Variants in PARP11 observed in about 807,000 individuals in gnomAD.
PARP11 encodes the protein protein mono-ADP-ribosyltransferase PARP11.
PARP11 carries 31 observed loss-of-function variants against 42.9 expected under a neutral mutation model. The observed-to-expected ratio is 0.72, with a 90% CI of 0.54 to 0.98. The LOEUF (loss-of-function observed/expected upper bound fraction) is 0.98. PARP11 is among the 50% of genes least tolerant of loss of function. PARP11 has a pLI of 0.00. For missense variants in PARP11, 365 were observed against 413.1 expected, an observed-to-expected ratio of 0.88 and a Z score of 1.01; for synonymous variants, 137 against 127.3, an observed-to-expected ratio of 1.08 and a Z score of -0.51.
chr12:3,873,261 T>C lies in PARP11; in HGVS notation c.-32A>G. 7.8e-6 allele frequency: 12 copies of C among 1,546,040 alleles called. No homozygotes were observed. The highest frequency in any genetic ancestry group is 1.0e-5 in the Non-Finnish European group (12 of 1,144,348). On this transcript the variant is annotated 5_prime_UTR_variant, in exon 1 of 8. Coordinates refer to ENST00000228820, the MANE Select transcript of PARP11 (RefSeq NM_020367.6). ...GACAAAATCGAGCGGAGAGAGCCTG[T>C]GGGAAGGGGCTAGCCGCGGGGCCTG...
At chr12:3,842,323 A>C (rs2138075200) in intron 1 of PARP11, 1 of 1,607,318 alleles carries the variant, frequency 6.2e-7, no homozygotes, top group Middle Eastern at 1.7e-4. Flanking sequence ...TGGGAGCAGG[A>C]AGTACAAAAG....
At chr12:3,822,900 T>A (rs7975273) in intron 4 of PARP11, among the ~76,000 whole-genome samples, 56,284 of 152,032 alleles carry the variant, frequency 0.37, 12,500 homozygotes, top group East Asian at 0.73. Context: ...GTTCTCCAAG[T>A]TCTAACTCAA....
At chr12:3,841,853 T>C in intron 1 of PARP11, 1 of 1,608,740 alleles carries the variant, frequency 6.2e-7, no homozygotes, top group South Asian at 1.1e-5. Flanking sequence ...GATCTGTCTC[T>C]GGAAAATCTG....
intron 1 of PARP11, among the ~76,000 whole-genome samples, chr12:3,866,819 A>G (rs1373647323): frequency 6.6e-6 from 1 of 152,212 alleles, no homozygotes; most frequent in Non-Finnish European, 1.5e-5. Flanking sequence ...CAAGCTATTG[A>G]CCAAAATTCT....
chr12:3,865,193 C>T (rs1361640490), intron 1 of PARP11, among the ~76,000 whole-genome samples: 1 of 152,044 alleles, frequency 6.6e-6, no homozygotes, highest in Non-Finnish European at 1.5e-5. Flanking sequence ...TAACTTAATT[C>T]CATTTAGGTC....
chr12:3,816,368 T>G (rs1947287451), intron 6 of PARP11, among the ~76,000 whole-genome samples: 1 of 152,220 alleles, frequency 6.6e-6, no homozygotes, highest in Admixed American at 6.5e-5. Context: ...CTGATAAAAA[T>G]TTTGAAGGAT....
At chr12:3,825,786 G>A (rs1565534906) in intron 4 of PARP11, among the ~76,000 whole-genome samples, 1 of 152,094 alleles carries the variant, frequency 6.6e-6, no homozygotes, top group Non-Finnish European at 1.5e-5. Context: ...TGGCGCAGTG[G>A]TGCCATCTCG....
rs1290607891 is a variant in PARP11 at position 3,840,731 on chromosome 12, C to T, written c.19-10713G>A. 5 of 1,296,550 alleles carry T rather than the reference C, an allele frequency of 3.9e-6. No homozygotes were observed. The Admixed American group carries it at 6.7e-5, about 17-fold the overall frequency. The allele number at this position is 1,296,550 out of a possible 1,614,324, so 80.3% of individuals were successfully genotyped here. Reference sequence around the variant, plus strand: ...AGAACGAAAAGACAAAGACTCTATTCATGGACATAGTTGGATAAAAGACCC... The same window carrying T: ...AGAACGAAAAGACAAAGACTCTATTTATGGACATAGTTGGATAAAAGACCC... On this transcript the variant is annotated intron_variant, in intron 1 of 7. Transcript: ENST00000228820. This position sits in a 1 kb window ranked among gnomAD's most constrained non-coding sequence, Gnocchi z 4.4.
intron 1 of PARP11, chr12:3,841,176 G>C (rs924676941): frequency 1.9e-6 from 3 of 1,582,208 alleles, no homozygotes; most frequent in Non-Finnish European, 2.6e-6. Context: ...TCTATCCTGG[G>C]TTTCCTTGTA....
chr12:3,845,029 T>G (rs762584129), intron 1 of PARP11, among the ~76,000 whole-genome samples: 3 of 149,868 alleles, frequency 2.0e-5, no homozygotes, highest in Admixed American at 6.7e-5. Flanking sequence ...CATTTTTGAG[T>G]TGGAAATTAT....
At chr12:3,855,316 C>A (rs1397861679) in intron 1 of PARP11, among the ~76,000 whole-genome samples, 1 of 152,066 alleles carries the variant, frequency 6.6e-6, no homozygotes, top group Non-Finnish European at 1.5e-5. Context: ...TAAAGGGTAT[C>A]CAATTAGGAA....
chr12:3,850,606 A>G (rs143039336), intron 1 of PARP11, among the ~76,000 whole-genome samples: 49 of 152,298 alleles, frequency 3.2e-4, no homozygotes, highest in African/African-American at 1.2e-3. Context: ...GTTCCTCACA[A>G]TGCCCCACAA....
At chr12:3,873,090 C>T in intron 1 of PARP11, 122 bp downstream of exon 1, 2 of 968,636 alleles carry the variant, frequency 2.1e-6, no homozygotes, top group Non-Finnish European at 3.2e-6. Context: ...CCGGGAACTC[C>T]GGTCCCGGAA....
chr12:3,849,104 C>T (rs564042793), intron 1 of PARP11, among the ~76,000 whole-genome samples: 1 of 152,166 alleles, frequency 6.6e-6, no homozygotes, highest in East Asian at 1.9e-4. Context: ...ACCAAAACCA[C>T]AATGAGACAT....
At chr12:3,864,472 CTG>C (rs1197431560) in intron 1 of PARP11, among the ~76,000 whole-genome samples, 2 of 152,154 alleles carry the variant, frequency 1.3e-5, no homozygotes, top group African/African-American at 2.4e-5. Context: ...TTTTCTAAAA[CTG>C]TGTTAATTAG....
intron 1 of PARP11, among the ~76,000 whole-genome samples, chr12:3,855,243 C>T (rs1488263429): frequency 6.6e-6 from 1 of 152,200 alleles, no homozygotes; most frequent in Non-Finnish European, 1.5e-5. Flanking sequence ...TGCCCTCTCT[C>T]ACCACTCCTA....
At chr12:3,846,135 G>A (rs1947988426) in intron 1 of PARP11, among the ~76,000 whole-genome samples, 1 of 152,102 alleles carries the variant, frequency 6.6e-6, no homozygotes, top group Non-Finnish European at 1.5e-5. Flanking sequence ...TGTAAGTGTT[G>A]AATATATTCC....
intron 1 of PARP11, among the ~76,000 whole-genome samples, chr12:3,862,316 G>C (rs1948307540): frequency 6.6e-6 from 1 of 151,908 alleles, no homozygotes; most frequent in Non-Finnish European, 1.5e-5. Context: ...AGCTGGGCAT[G>C]GTAGCATGCA....
intron 1 of PARP11, among the ~76,000 whole-genome samples, chr12:3,849,957 A>C (rs1948066579): frequency 6.6e-6 from 1 of 152,126 alleles, no homozygotes; most frequent in Non-Finnish European, 1.5e-5. Flanking sequence ...ATTATGTATC[A>C]ACTTTTTAAA....
Sources: allele counts gnomAD v4.1 joint callset (sites outside exome capture counted in the v4.1 genomes callset), GRCh38; gene constraint gnomAD v4.1.1; non-coding constraint Gnocchi (gnomAD v3.1); transcripts MANE v1.5; gene names NCBI Gene and HGNC (gene_info 2026-07-23, HGNC 2026-07-21).